Variants in DCDC1 observed in about 807,000 individuals in gnomAD.
DCDC1 encodes doublecortin domain containing 1, also known as doublecortin domain-containing protein 1.
In DCDC1, 200 loss-of-function variants were observed where a neutral mutation model predicts 178.3. That is an observed-to-expected ratio of 1.12 (90% CI 1.00 to 1.26). The LOEUF (loss-of-function observed/expected upper bound fraction) is 1.26, where lower values mean the gene tolerates loss of function less well. DCDC1 is among the 50% of genes most tolerant of loss of function. The pLI, the probability that DCDC1 is intolerant of heterozygous loss-of-function variation, is 0.00. For synonymous variants in DCDC1, 690 were observed against 604.8 expected (o/e 1.14, Z -2.07); for missense variants, 1,983 against 1,749.2 (o/e 1.13, Z -2.38).
At chr11:31,247,574 A>G (rs1943656619) in intron 8 of DCDC1, among the ~76,000 whole-genome samples, 1 of 151,892 alleles carries the variant, frequency 6.6e-6, no homozygotes, top group Non-Finnish European at 1.5e-5. Flanking sequence ...CGATATTCAA[A>G]ACCACTTCAC....
intron 21 of DCDC1, among the ~76,000 whole-genome samples, chr11:30,942,560 G>A (rs145110969): frequency 2.2e-4 from 34 of 152,272 alleles, no homozygotes; most frequent in African/African-American, 4.3e-4. Context: ...GATACATGTC[G>A]ATTCATAGAT....
chr11:31,119,042 G>A (rs1242210903), intron 11 of DCDC1, among the ~76,000 whole-genome samples: 2 of 152,108 alleles, frequency 1.3e-5, no homozygotes, highest in African/African-American at 4.8e-5. Flanking sequence ...GGAGGAGTGG[G>A]GCAATGAGGA....
intron 21 of DCDC1, among the ~76,000 whole-genome samples, chr11:30,951,673 T>C (rs920536004): frequency 1.3e-5 from 2 of 152,158 alleles, no homozygotes; most frequent in African/African-American, 4.8e-5. Context: ...ATTAATATAC[T>C]TGTTATCTTT....
chr11:31,172,518 C>G (rs1967375192), intron 9 of DCDC1, among the ~76,000 whole-genome samples: 1 of 152,046 alleles, frequency 6.6e-6, no homozygotes, highest in South Asian at 2.1e-4. Context: ...GTACCAACAC[C>G]CCATGCAGTC....
At chr11:31,055,189 C>T (rs187647885) in intron 20 of DCDC1, among the ~76,000 whole-genome samples, 5 of 151,772 alleles carry the variant, frequency 3.3e-5, no homozygotes, top group Non-Finnish European at 5.9e-5. Flanking sequence ...ACCTAAACAA[C>T]TCTCAAAAGA....
intron 32 of DCDC1, 43 bp downstream of exon 32, chr11:30,903,439 A>G (rs1401055959): frequency 2.1e-6 from 3 of 1,454,210 alleles, no homozygotes; most frequent in South Asian, 3.0e-5. Flanking sequence ...TTTCATGATC[A>G]AGCATAAGTA....
intron 9 of DCDC1, among the ~76,000 whole-genome samples, chr11:31,179,821 CACA>C (rs369700222): frequency 1.2e-4 from 18 of 152,072 alleles, no homozygotes; most frequent in African/African-American, 3.6e-4. Flanking sequence ...CAGACAAAGA[CACA>C]ACAACAACAA....
At chr11:31,357,641 T>G (rs998965012) in intron 1 of DCDC1, among the ~76,000 whole-genome samples, 1 of 152,034 alleles carries the variant, frequency 6.6e-6, no homozygotes, top group Non-Finnish European at 1.5e-5. Context: ...AAAGAGGAAG[T>G]CAAATTGTCA....
At chr11:31,256,168 T>C (rs1944405828) in intron 8 of DCDC1, among the ~76,000 whole-genome samples, 1 of 152,216 alleles carries the variant, frequency 6.6e-6, no homozygotes, top group South Asian at 2.1e-4. Flanking sequence ...CTGAATTCTA[T>C]TCCATTGATC....
intron 15 of DCDC1, among the ~76,000 whole-genome samples, 179 bp from the exon 16 acceptor site, chr11:31,094,363 C>T (rs1272213903): frequency 6.6e-6 from 1 of 152,136 alleles, no homozygotes; most frequent in African/African-American, 2.4e-5. Flanking sequence ...AGCACCAACT[C>T]TATTATGCAA....
At chr11:31,048,669 T>C (rs1188891827) in intron 20 of DCDC1, among the ~76,000 whole-genome samples, 1 of 151,920 alleles carries the variant, frequency 6.6e-6, no homozygotes, top group Admixed American at 6.6e-5. Flanking sequence ...CTGGCTAACA[T>C]GGTGAAACTC....
At chr11:31,030,996 G>A (rs957593372) in intron 20 of DCDC1, among the ~76,000 whole-genome samples, 1 of 152,066 alleles carries the variant, frequency 6.6e-6, no homozygotes, top group Non-Finnish European at 1.5e-5. Context: ...TATTGACCTC[G>A]GAGTATGAGT....
At chr11:30,950,767 A>T (rs1948370929) in intron 21 of DCDC1, among the ~76,000 whole-genome samples, 1 of 152,130 alleles carries the variant, frequency 6.6e-6, no homozygotes. Flanking sequence ...TACAGTTTAG[A>T]TAGAATGAAT....
intron 21 of DCDC1, among the ~76,000 whole-genome samples, chr11:30,937,444 C>A (rs1947346730): frequency 6.6e-6 from 1 of 152,164 alleles, no homozygotes; most frequent in African/African-American, 2.4e-5. Context: ...TTTCTTCCAT[C>A]CAGGACATTC....
chr11:31,166,707 T>C (rs1966823166), intron 9 of DCDC1, among the ~76,000 whole-genome samples: 3 of 152,200 alleles, frequency 2.0e-5, no homozygotes, highest in African/African-American at 7.2e-5. Context: ...TTTGTCTGTG[T>C]GACTTTCTCA....
At chr11:31,347,350 G>A (rs1423798629) in intron 1 of DCDC1, among the ~76,000 whole-genome samples, 1 of 152,170 alleles carries the variant, frequency 6.6e-6, no homozygotes, top group African/African-American at 2.4e-5. Context: ...CCCTAAACCA[G>A]ATAGTGATGA....
intron 20 of DCDC1, among the ~76,000 whole-genome samples, chr11:31,042,615 G>A (rs562436938): frequency 7.9e-5 from 12 of 151,922 alleles, no homozygotes; most frequent in East Asian, 5.8e-4. Flanking sequence ...CACTATGACC[G>A]CTTCACACTA....
intron 9 of DCDC1, among the ~76,000 whole-genome samples, chr11:31,158,636 A>G (rs1354806265): frequency 6.6e-6 from 1 of 152,200 alleles, no homozygotes; most frequent in Non-Finnish European, 1.5e-5. Flanking sequence ...ATAGCCTTTC[A>G]AATTCAGACA....
chr11:31,170,297 A>T (rs1967050175), intron 9 of DCDC1, among the ~76,000 whole-genome samples: 1 of 152,172 alleles, frequency 6.6e-6, no homozygotes, highest in African/African-American at 2.4e-5. Context: ...CCAAGTCAGT[A>T]GACCGAAAAA....
Sources: gnomAD v4.1 joint callset for allele counts (sites outside exome capture counted in the v4.1 genomes callset) on GRCh38, gnomAD v4.1.1 for gene constraint, MANE v1.5 for transcripts, NCBI Gene and HGNC (gene_info 2026-07-23, HGNC 2026-07-21) for gene names.